DMD: variants seen among roughly 807,000 people sequenced by gnomAD.
The protein encoded by DMD is dystrophin, also known as mutant dystrophin.
DMD carries 63 observed loss-of-function variants against 330.1 expected under a neutral mutation model. The observed-to-expected ratio is 0.19, with a 90% CI of 0.16 to 0.24. The LOEUF (loss-of-function observed/expected upper bound fraction) is 0.24, where lower values mean the gene tolerates loss of function less well. DMD is among the 10% of genes least tolerant of loss of function. The pLI, the probability that DMD is intolerant of heterozygous loss-of-function variation, is 1.00. For synonymous variants in DMD, 1,223 were observed against 959.8 expected, an observed-to-expected ratio of 1.27 and a Z score of -5.07; for missense variants, 3,344 against 2,684.1, an observed-to-expected ratio of 1.25 and a Z score of -5.43.
chrX:32,489,282 T>A (rs1366239966), intron 20 of DMD, among the ~76,000 whole-genome samples: 1 of 108,883 alleles, frequency 9.2e-6, no homozygotes, highest in African/African-American at 3.4e-5. Flanking sequence ...TGAGACTATT[T>A]GGTGATAGGA....
intron 50 of DMD, among the ~76,000 whole-genome samples, chrX:31,776,635 T>C (rs1378204375): frequency 1.0e-5 from 1 of 99,198 alleles, no homozygotes; most frequent in Non-Finnish European, 2.0e-5. Context: ...AGGGAGGGAA[T>C]CTATTGAAAA....
At position 31,476,695 on chromosome X, in the gene DMD, GA is replaced by G. The variant is rs769098042; in HGVS notation, c.8937+1410del. Among the ~76,000 whole-genome samples, 10 of 110,567 alleles carry G rather than the reference GA, an allele frequency of 9.0e-5. No individual in the cohort carries two copies. In the East Asian group the frequency reaches 2.8e-3, roughly 31 times the overall value. The stretch of plus-strand genomic sequence containing the variant: ...AATTGGAAGAAGCTGGGTAATGCAG[GA>G]ACATCAGCAAAGAAACCATTCATCC... On this transcript the variant is annotated intron_variant, in intron 59 of 78. Coordinates refer to ENST00000357033, the MANE Select transcript of DMD (RefSeq NM_004006.3).
At chrX:32,788,785 A>AT (rs2075604746) in intron 7 of DMD, among the ~76,000 whole-genome samples, 1 of 112,132 alleles carries the variant, frequency 8.9e-6, no homozygotes, top group Non-Finnish European at 1.9e-5. Context: ...CAGACTTCTA[A>AT]TTTGAAAACT....
intron 9 of DMD, among the ~76,000 whole-genome samples, chrX:32,684,590 C>A (rs1043701711): frequency 1.8e-5 from 2 of 111,645 alleles, no homozygotes; most frequent in African/African-American, 6.5e-5. Context: ...CCTCTTACAA[C>A]TTTTGATGTT....
intron 1 of DMD, among the ~76,000 whole-genome samples, chrX:33,172,760 T>A (rs950594047): frequency 8.9e-6 from 1 of 111,966 alleles, no homozygotes; most frequent in Non-Finnish European, 1.9e-5. Flanking sequence ...ATTAACTGTT[T>A]CTATCAAAGG....
intron 44 of DMD, among the ~76,000 whole-genome samples, chrX:32,056,342 T>G (rs1279515174): frequency 9.5e-6 from 1 of 105,540 alleles, no homozygotes; most frequent in African/African-American, 3.4e-5. Context: ...GCTAAGAGTT[T>G]TTTTAAAAAC....
intron 74 of DMD, among the ~76,000 whole-genome samples, chrX:31,159,373 AACAG>A (rs1324039705): frequency 2.7e-5 from 3 of 112,046 alleles, no homozygotes; most frequent in Non-Finnish European, 3.8e-5. Context: ...TTGTAGTTAC[AACAG>A]ACAGACTAGC....
At chrX:32,346,709 G>A (rs1412794300) in intron 38 of DMD, among the ~76,000 whole-genome samples, 2 of 111,350 alleles carry the variant, frequency 1.8e-5, no homozygotes, top group African/African-American at 6.5e-5. Context: ...ATTTAAATAC[G>A]ATCAAATAAT....
chrX:31,306,899 T>G (rs1455938490), intron 62 of DMD, among the ~76,000 whole-genome samples: 2 of 111,760 alleles, frequency 1.8e-5, no homozygotes, highest in African/African-American at 6.5e-5. Context: ...TAGGGGATTT[T>G]TTTCTGTTCT....
intron 62 of DMD, among the ~76,000 whole-genome samples, chrX:31,284,853 CA>C (rs1569517107): frequency 6.5e-4 from 70 of 107,930 alleles, no homozygotes; most frequent in African/African-American, 2.4e-3. Context: ...CACACACACA[CA>C]CACACACACC....
intron 63 of DMD, among the ~76,000 whole-genome samples, chrX:31,237,363 A>G (rs1391288162): frequency 8.9e-6 from 1 of 112,378 alleles, no homozygotes; most frequent in African/African-American, 3.2e-5. Context: ...AGAAGAGGGG[A>G]ACAGGTGGTA....
chrX:32,373,042 G>A (rs1400615304), intron 34 of DMD, among the ~76,000 whole-genome samples: 1 of 109,788 alleles, frequency 9.1e-6, no homozygotes, highest in African/African-American at 3.3e-5. Context: ...CTTTCTCTGT[G>A]GGATCATTAA....
At chrX:32,384,713 C>T (rs1159865789) in intron 33 of DMD, among the ~76,000 whole-genome samples, 11 of 110,624 alleles carry the variant, frequency 9.9e-5, no homozygotes, top group Admixed American at 6.8e-4. Context: ...ATATGCCTCT[C>T]CTTAGCTATT....
At chrX:32,088,151 T>C (rs1267233707) in intron 44 of DMD, among the ~76,000 whole-genome samples, 1 of 112,287 alleles carries the variant, frequency 8.9e-6, no homozygotes, top group African/African-American at 3.2e-5. Context: ...AAAGGGCATA[T>C]AGAGCTATGG....
intron 15 of DMD, among the ~76,000 whole-genome samples, chrX:32,571,397 T>A (rs183923390): frequency 8.7e-4 from 97 of 112,018 alleles, no homozygotes; most frequent in African/African-American, 3.0e-3. Context: ...CACTTCCTAC[T>A]TTTTTGAAAT....
chrX:32,925,508 G>C (rs754695115), intron 2 of DMD, among the ~76,000 whole-genome samples: 46 of 110,623 alleles, frequency 4.2e-4, no homozygotes, highest in Admixed American at 1.1e-3. Context: ...CAAGTAACTG[G>C]ACTGTAACTT....
At chrX:33,093,226 A>C (rs2095109989) in intron 1 of DMD, among the ~76,000 whole-genome samples, 1 of 111,963 alleles carries the variant, frequency 8.9e-6, no homozygotes, top group Non-Finnish European at 1.9e-5. Flanking sequence ...TCCTTCCCAC[A>C]ATAGGAGCTT....
chrX:32,809,409 A>C, intron 7 of DMD, 84 bp downstream of exon 7: 1 of 816,939 alleles, frequency 1.2e-6, no homozygotes. Context: ...GTAGTTTTGT[A>C]TTTTGTGTAG....
intron 44 of DMD, among the ~76,000 whole-genome samples, chrX:32,014,624 C>T (rs1243738117): frequency 8.9e-6 from 1 of 111,781 alleles, no homozygotes; most frequent in Admixed American, 9.5e-5. Flanking sequence ...CCTCCCAGAG[C>T]TGATGTGATT....
Sources: gnomAD v4.1 joint callset for allele counts (sites outside exome capture counted in the v4.1 genomes callset) on GRCh38, gnomAD v4.1.1 for gene constraint, MANE v1.5 for transcripts, NCBI Gene and HGNC (gene_info 2026-07-23, HGNC 2026-07-21) for gene names.